Variants in MARCHF1 observed in about 807,000 individuals in gnomAD.
The protein encoded by MARCHF1 is membrane associated ring-CH-type finger 1, also known as E3 ubiquitin-protein ligase MARCHF1.
In MARCHF1, 40 loss-of-function variants were observed where a neutral mutation model predicts 54.2. That is an observed-to-expected ratio of 0.74 (90% CI 0.57 to 0.96). The LOEUF is 0.96. MARCHF1 is among the 40% of genes least tolerant of loss of function. The pLI, the probability that MARCHF1 is intolerant of heterozygous loss-of-function variation, is 0.00. For missense variants in MARCHF1, 586 were observed against 656.5 expected (o/e 0.89, Z 1.17); for synonymous variants, 236 against 236.3 (o/e 1.00, Z 0.01).
chr4:163,809,057 C>T (rs1374578666), intron 4 of MARCHF1, among the ~76,000 whole-genome samples: 2 of 152,084 alleles, frequency 1.3e-5, no homozygotes, highest in African/African-American at 4.8e-5. Flanking sequence ...TCACCGCTTG[C>T]ATCTTTGCAA....
chr4:164,134,770 A>G (rs905630695), intron 1 of MARCHF1, among the ~76,000 whole-genome samples: 1 of 151,934 alleles, frequency 6.6e-6, no homozygotes, highest in Non-Finnish European at 1.5e-5. Flanking sequence ...TTCTTTTAGC[A>G]TATGTTACCA....
chr4:163,865,950 T>A (rs1025546921), intron 3 of MARCHF1, among the ~76,000 whole-genome samples: 3 of 151,648 alleles, frequency 2.0e-5, no homozygotes, highest in African/African-American at 7.2e-5. Context: ...TGGATCTCCA[T>A]TTTTTTCCTT....
At chr4:163,816,493 C>T (rs963231487) in intron 4 of MARCHF1, among the ~76,000 whole-genome samples, 1 of 151,596 alleles carries the variant, frequency 6.6e-6, no homozygotes, top group African/African-American at 2.4e-5. Flanking sequence ...AATGATACTA[C>T]CACTAGTAAC....
intron 8 of MARCHF1, among the ~76,000 whole-genome samples, chr4:163,566,113 T>C (rs1326313287): frequency 1.3e-5 from 2 of 152,184 alleles, no homozygotes; most frequent in East Asian, 3.9e-4. Flanking sequence ...AAAATCACCA[T>C]AAAGCAATTT....
At chr4:163,809,103 A>G (rs1748312041) in intron 4 of MARCHF1, among the ~76,000 whole-genome samples, 1 of 151,862 alleles carries the variant, frequency 6.6e-6, no homozygotes, top group Admixed American at 6.6e-5. Context: ...TTCCACTCTT[A>G]TTTTATCTAA....
At chr4:164,042,464 C>T (rs1754149379) in intron 2 of MARCHF1, among the ~76,000 whole-genome samples, 1 of 152,068 alleles carries the variant, frequency 6.6e-6, no homozygotes, top group African/African-American at 2.4e-5. Flanking sequence ...AAGTTTTAAA[C>T]AAACAGATCT....
intron 1 of MARCHF1, among the ~76,000 whole-genome samples, chr4:164,297,843 T>C (rs1376643009): frequency 6.6e-6 from 1 of 152,122 alleles, no homozygotes; most frequent in Non-Finnish European, 1.5e-5. Flanking sequence ...AGTTGGAAGG[T>C]AAGGGGCAGA....
At chr4:164,173,334 T>G (rs1730578699) in intron 1 of MARCHF1, among the ~76,000 whole-genome samples, 1 of 152,210 alleles carries the variant, frequency 6.6e-6, no homozygotes, top group Non-Finnish European at 1.5e-5. Context: ...TGCATATTAT[T>G]ATGACTGTTT....
chr4:164,161,867 T>C (rs1416883616), intron 1 of MARCHF1, among the ~76,000 whole-genome samples: 1 of 152,106 alleles, frequency 6.6e-6, no homozygotes, highest in Non-Finnish European at 1.5e-5. Flanking sequence ...CAATGATATG[T>C]TGTTATTTAC....
chr4:163,674,696 G>T (rs1004339615), intron 5 of MARCHF1, among the ~76,000 whole-genome samples: 3 of 152,048 alleles, frequency 2.0e-5, no homozygotes, highest in Admixed American at 6.6e-5. Flanking sequence ...TGCCACTATG[G>T]GTTAAACTGA....
intron 2 of MARCHF1, among the ~76,000 whole-genome samples, chr4:164,052,551 C>T (rs1375533269): frequency 2.0e-5 from 3 of 151,968 alleles, no homozygotes; most frequent in Non-Finnish European, 4.4e-5. Flanking sequence ...AGCCTTCCTC[C>T]TGGGTAAAGA....
intron 3 of MARCHF1, among the ~76,000 whole-genome samples, chr4:163,943,748 T>TAAAAAAAAAAAAAAAAAAAA: frequency 8.1e-6 from 1 of 123,526 alleles, no homozygotes; most frequent in Non-Finnish European, 1.7e-5. Flanking sequence ...AAATAGAAGT[T>TAAAAAAAAAAAAAAAAAAAA]AAAAAAAAAA....
chr4:164,378,075 TC>T (rs2110979239), intron 1 of MARCHF1, among the ~76,000 whole-genome samples: 1 of 152,338 alleles, frequency 6.6e-6, no homozygotes, highest in African/African-American at 2.4e-5. Context: ...GTGGAGAGTT[TC>T]AGAAGAGGTC....
At chr4:163,776,371 T>A (rs1747305690) in intron 4 of MARCHF1, among the ~76,000 whole-genome samples, 1 of 150,824 alleles carries the variant, frequency 6.6e-6, no homozygotes, top group Admixed American at 6.6e-5. Context: ...TATATATAAT[T>A]TAATTTATAA....
chr4:163,687,910 T>C (rs1049669224), intron 5 of MARCHF1, among the ~76,000 whole-genome samples: 1 of 152,244 alleles, frequency 6.6e-6, no homozygotes, highest in African/African-American at 2.4e-5. Context: ...GAATACATGA[T>C]GTGACTCTGC....
At chr4:163,841,463 G>T (rs74874989) in intron 4 of MARCHF1, among the ~76,000 whole-genome samples, 2 of 151,886 alleles carry the variant, frequency 1.3e-5, no homozygotes, top group Admixed American at 6.6e-5. Context: ...TTTAAAAAAA[G>T]AATACGAGCC....
chr4:163,888,330 A>T (rs1387904051), intron 3 of MARCHF1, among the ~76,000 whole-genome samples: 1 of 152,182 alleles, frequency 6.6e-6, no homozygotes, highest in Non-Finnish European at 1.5e-5. Flanking sequence ...GTAGAGAGGG[A>T]ATAGTCTTAT....
intron 1 of MARCHF1, among the ~76,000 whole-genome samples, chr4:164,204,141 G>A (rs1731539928): frequency 6.6e-6 from 1 of 152,032 alleles, no homozygotes; most frequent in African/African-American, 2.4e-5. Flanking sequence ...TCTAAGCATA[G>A]TTGATAGATA....
chr4:163,860,874 C>T (rs771636431), intron 3 of MARCHF1, among the ~76,000 whole-genome samples: 1 of 152,128 alleles, frequency 6.6e-6, no homozygotes, highest in Non-Finnish European at 1.5e-5. Context: ...CCCATTACCT[C>T]AGTTTCTACT....
Sources: allele counts gnomAD v4.1 joint callset (sites outside exome capture counted in the v4.1 genomes callset), GRCh38; gene constraint gnomAD v4.1.1; transcripts MANE v1.5; gene names NCBI Gene and HGNC (gene_info 2026-07-23, HGNC 2026-07-21).